YAF2: variants seen among roughly 807,000 people sequenced by gnomAD.
The protein encoded by YAF2 is YY1-associated factor 2.
A neutral mutation model predicts 20.1 loss-of-function variants in YAF2; 7 were observed. The observed-to-expected ratio is 0.35, with a 90% confidence interval of 0.20 to 0.65. The LOEUF is 0.65. Ranked by LOEUF, YAF2 falls within the 30% of genes least tolerant of loss-of-function variation. YAF2 has a pLI of 0.69. For synonymous variants in YAF2, 74 were observed against 76.0 expected (o/e 0.97, Z 0.14); for missense variants, 151 against 219.2 (o/e 0.69, Z 1.96).
chr12:42,190,393 T>A (rs568824285), intron 2 of YAF2, among the ~76,000 whole-genome samples: 9 of 152,348 alleles, frequency 5.9e-5, no homozygotes, highest in Non-Finnish European at 1.3e-4. Flanking sequence ...ACTGTTTATA[T>A]CTATAGTTAC....
chr12:42,221,351 G>A (rs1451808402), intron 2 of YAF2, among the ~76,000 whole-genome samples: 1 of 152,112 alleles, frequency 6.6e-6, no homozygotes, highest in Non-Finnish European at 1.5e-5. Flanking sequence ...GGCAGGAGGG[G>A]TGCTTGAGGC....
chr12:42,235,484 A>T, intron 2 of YAF2: 1 of 1,230,950 alleles, frequency 8.1e-7, no homozygotes, highest in Non-Finnish European at 1.0e-6. Context: ...AATTTCAGAA[A>T]CCACTAGGAA....
intron 2 of YAF2, among the ~76,000 whole-genome samples, chr12:42,162,443 G>A (rs1017674575): frequency 6.6e-6 from 1 of 152,136 alleles, no homozygotes; most frequent in Non-Finnish European, 1.5e-5. Flanking sequence ...TCTGATGCTG[G>A]TACAAGCTTT....
intron 2 of YAF2, among the ~76,000 whole-genome samples, chr12:42,214,033 A>G (rs533891413): frequency 1.2e-4 from 19 of 152,322 alleles, no homozygotes; most frequent in Non-Finnish European, 2.8e-4. Flanking sequence ...TTCTCCTTAC[A>G]GAAGCCACAG....
chr12:42,205,754 T>C (rs1359727126), intron 2 of YAF2: 3 of 233,972 alleles, frequency 1.3e-5, no homozygotes, highest in East Asian at 1.2e-4. Flanking sequence ...ACTCTTTTTT[T>C]AGTTTTTTAA....
chr12:42,177,524 C>G (rs76212513), intron 2 of YAF2, among the ~76,000 whole-genome samples: 2,290 of 152,280 alleles, frequency 0.015, 55 homozygotes, highest in African/African-American at 0.052. Flanking sequence ...ACCAATCCTA[C>G]TGGATTAGGA....
chr12:42,186,642 A>G (rs563817332), intron 2 of YAF2, among the ~76,000 whole-genome samples: 1 of 152,008 alleles, frequency 6.6e-6, no homozygotes, highest in South Asian at 2.1e-4. Context: ...ATGCCATTGC[A>G]CTCTAGCATG....
At chr12:42,216,405 AC>A (rs1212145176) in intron 2 of YAF2, among the ~76,000 whole-genome samples, 1 of 151,584 alleles carries the variant, frequency 6.6e-6, no homozygotes, top group Non-Finnish European at 1.5e-5. Context: ...GGCTAAACAC[AC>A]CCCCCTCTTT....
chr12:42,212,255 ATTTATCTTCAAGC>A (rs2067234086), intron 2 of YAF2, among the ~76,000 whole-genome samples: 1 of 152,176 alleles, frequency 6.6e-6, no homozygotes, highest in South Asian at 2.1e-4. Context: ...TCCAAAAGAA[ATTTATCTTCAAGC>A]TCATATGAAG....
intron 2 of YAF2, among the ~76,000 whole-genome samples, chr12:42,228,254 C>T (rs1476963929): frequency 1.6e-5 from 1 of 61,982 alleles, no homozygotes; most frequent in African/African-American, 8.5e-5. Context: ...GTGGGGGTGT[C>T]GGCCCCCCGC....
intron 2 of YAF2, among the ~76,000 whole-genome samples, chr12:42,224,067 C>T (rs919265030): frequency 1.3e-5 from 2 of 152,032 alleles, no homozygotes; most frequent in African/African-American, 2.4e-5. Flanking sequence ...ATAATAATGG[C>T]CACAACAATA....
At chr12:42,182,275 G>A (rs766536357) in intron 2 of YAF2, among the ~76,000 whole-genome samples, 5 of 152,060 alleles carry the variant, frequency 3.3e-5, no homozygotes, top group Admixed American at 6.6e-5. Context: ...TGATGTGGCC[G>A]GGTATTTTAT....
chr12:42,170,495 G>C (rs1273593046), intron 2 of YAF2, among the ~76,000 whole-genome samples: 2 of 152,142 alleles, frequency 1.3e-5, no homozygotes, highest in South Asian at 2.1e-4. Flanking sequence ...CACTCTAAGA[G>C]TTCCATTTGT....
chr12:42,237,837 C>T (rs1467260183), intron 1 of YAF2, 113 bp from the exon 2 acceptor site: 2 of 931,994 alleles, frequency 2.1e-6, no homozygotes, highest in Non-Finnish European at 1.3e-6. Context: ...CTGCGACCCC[C>T]GCCCCGCGGG....
chr12:42,169,076 C>CT (rs2065980334), intron 2 of YAF2, among the ~76,000 whole-genome samples: 1 of 152,168 alleles, frequency 6.6e-6, no homozygotes, highest in Non-Finnish European at 1.5e-5. Flanking sequence ...TTGAAAATGT[C>CT]TGCTATTCTC....
At position 42,224,066 on chromosome 12, in the gene YAF2, G is replaced by A. The variant is rs117186296; in HGVS notation, c.152+13533C>T. Among the ~76,000 whole-genome samples the A allele has an allele frequency of 6.3e-4, 96 of 152,094 alleles. No individual in the cohort carries two copies. The East Asian group carries it at 0.017, about 27-fold the overall frequency. On this transcript the variant is annotated intron_variant, in intron 2 of 3. Coordinates refer to ENST00000534854, the MANE Select transcript of YAF2 (RefSeq NM_005748.6). ...ATAAATAAATAAATAAATAATAATGGCCACAACAATAACTGATTTCATATA... is the reference window on the plus strand; with the variant it reads ...ATAAATAAATAAATAAATAATAATGACCACAACAATAACTGATTTCATATA...
chr12:42,171,680 G>A (rs1209997923), intron 2 of YAF2, among the ~76,000 whole-genome samples: 5 of 152,090 alleles, frequency 3.3e-5, no homozygotes, highest in East Asian at 1.9e-4. Context: ...CTGGCTGGGC[G>A]TGGTAGCTCA....
In YAF2 at chr12:42,231,382, T is replaced by C. The variant is rs561424770; in HGVS notation, c.152+6217A>G. 4.6e-5 allele frequency: 7 copies of C among 152,344 alleles called. No individual in the cohort carries two copies. In the South Asian group the frequency reaches 1.4e-3, roughly 32 times the overall value. The allele number at this position is 152,344 out of a possible 1,614,324, so 9.4% of individuals were successfully genotyped here. The stretch of plus-strand genomic sequence containing the variant: ...TCAGCATTCAATTTGTTGCAATATG[T>C]TGTTTTGGTCCAAAAATATTAAGAA... On this transcript the variant is annotated intron_variant, in intron 2 of 3. Transcript: ENST00000534854.
intron 2 of YAF2, among the ~76,000 whole-genome samples, chr12:42,163,588 T>C (rs1210673955): frequency 1.3e-5 from 2 of 152,218 alleles, no homozygotes; most frequent in African/African-American, 2.4e-5. Context: ...CCTAAATGTA[T>C]ACTACACAAC....
Sources: allele counts gnomAD v4.1 joint callset (sites outside exome capture counted in the v4.1 genomes callset), GRCh38; gene constraint gnomAD v4.1.1; transcripts MANE v1.5; gene names NCBI Gene and HGNC (gene_info 2026-07-23, HGNC 2026-07-21).